The following PRUNE2 variants were observed in gnomAD, a reference collection of about 807,000 sequenced individuals.
PRUNE2 encodes the protein prune homolog 2 with BCH domain.
PRUNE2 carries 164 observed loss-of-function variants against 252.0 expected under a neutral mutation model. That is an observed-to-expected ratio of 0.65 (90% CI 0.57 to 0.74). PRUNE2 has a LOEUF of 0.74. Among genes scored for constraint, PRUNE2 ranks in the 30% least tolerant of loss-of-function variants. PRUNE2 has a pLI of 0.00. For synonymous variants in PRUNE2, 1,292 were observed against 1,350.2 expected (o/e 0.96, Z 0.94); for missense variants, 3,495 against 3,711.0 (o/e 0.94, Z 1.51).
At chr9:76,873,751 G>A (rs927037377) in intron 1 of PRUNE2, among the ~76,000 whole-genome samples, 1 of 152,158 alleles carries the variant, frequency 6.6e-6, no homozygotes, top group Non-Finnish European at 1.5e-5. Context: ...CGGGCTACCC[G>A]ATACACAATA....
At chr9:76,886,005 C>T (rs1397063685) in intron 1 of PRUNE2, among the ~76,000 whole-genome samples, 1 of 151,548 alleles carries the variant, frequency 6.6e-6, no homozygotes, top group Non-Finnish European at 1.5e-5. Flanking sequence ...TGGCGAAACC[C>T]CGTCTCTACT....
chr9:76,756,860 G>A (rs531785358), intron 6 of PRUNE2, among the ~76,000 whole-genome samples: 2 of 85,164 alleles, frequency 2.3e-5, no homozygotes, highest in Admixed American at 3.5e-4. Flanking sequence ...CTGCCCCCCC[G>A]TGATACTTAA....
chr9:76,823,861 A>AACAC (rs113326644), intron 5 of PRUNE2, 135 bp from the exon 6 acceptor site: 151 of 603,686 alleles, frequency 2.5e-4, no homozygotes, highest in Admixed American at 1.3e-3. Context: ...ATCCACAATA[A>AACAC]ACACACACAC....
At chr9:76,724,691 G>A (rs997421926) in intron 6 of PRUNE2, among the ~76,000 whole-genome samples, 18 of 152,180 alleles carry the variant, frequency 1.2e-4, no homozygotes, top group African/African-American at 3.9e-4. Flanking sequence ...ACTTGAATGG[G>A]GGAGTTTCAC....
At position 76,703,215 on chromosome 9, in the gene PRUNE2, T is replaced by A. The variant is rs1467905967; in HGVS notation, c.8276+122A>T. On this transcript the variant is annotated intron_variant, in intron 9 of 18. Coordinates refer to ENST00000376718, the MANE Select transcript of PRUNE2 (RefSeq NM_015225.3). The stretch of plus-strand genomic sequence containing the variant: ...GCTTTTACTGATGGTGTGCCTTGCA[T>A]TCAATATAAGCAAAGCTGCTATCAT... 6.3e-6 allele frequency: 5 copies of A among 791,694 alleles called. No individual in the cohort carries two copies. In the South Asian group the frequency reaches 1.1e-4, roughly 17 times the overall value. 49.0% of individuals were successfully genotyped at this position (791,694 alleles called of 1,614,324 possible).
At chr9:76,837,317 CTG>C in intron 4 of PRUNE2, among the ~76,000 whole-genome samples, 1 of 152,180 alleles carries the variant, frequency 6.6e-6, no homozygotes. Flanking sequence ...TGGCGGGCAC[CTG>C]CAGTCCCAAC....
intron 1 of PRUNE2, among the ~76,000 whole-genome samples, chr9:76,861,049 A>G (rs1280164007): frequency 6.6e-6 from 1 of 152,130 alleles, no homozygotes; most frequent in African/African-American, 2.4e-5. Flanking sequence ...TCACAACCCT[A>G]CAGGTCCCTA....
At position 76,893,862 on chromosome 9, in the gene PRUNE2, C is replaced by T. The variant is rs141090828; in HGVS notation, c.36+12066G>A. ...AGCCAAGAGTAATGACACTTCAGGC[C>T]ACGGTCCAGGGGTATCAGCCAAGTG... On this transcript the variant is annotated intron_variant, in intron 1 of 18. Coordinates refer to ENST00000376718, the MANE Select transcript of PRUNE2 (RefSeq NM_015225.3). Among the ~76,000 whole-genome samples the T allele has an allele frequency of 5.2e-3, 797 of 152,260 alleles. 4 individuals are homozygous for T. The highest frequency in any genetic ancestry group is 6.8e-3 in the Middle Eastern group (2 of 294).
chr9:76,726,105 G>A (rs2048081609), intron 6 of PRUNE2, among the ~76,000 whole-genome samples: 1 of 152,232 alleles, frequency 6.6e-6, no homozygotes. Flanking sequence ...GGGAACCACA[G>A]GTGGCTGCAG....
At chr9:76,631,345 C>T (rs191802525) in intron 15 of PRUNE2, among the ~76,000 whole-genome samples, 5 of 152,264 alleles carry the variant, frequency 3.3e-5, no homozygotes, top group East Asian at 3.9e-4. Context: ...TTGTATCTGG[C>T]GTTTTGTCTA....
At chr9:76,871,892 G>A (rs1462512499) in intron 1 of PRUNE2, among the ~76,000 whole-genome samples, 6 of 152,102 alleles carry the variant, frequency 3.9e-5, no homozygotes, top group Non-Finnish European at 7.3e-5. Flanking sequence ...GGCTCCCAAA[G>A]TGCTGGGATT....
chr9:76,824,539 G>A (rs933352585), intron 5 of PRUNE2, among the ~76,000 whole-genome samples: 2 of 152,178 alleles, frequency 1.3e-5, no homozygotes, highest in South Asian at 2.1e-4. Context: ...ATCCAGAATG[G>A]CTAAATTATC....
intron 6 of PRUNE2, among the ~76,000 whole-genome samples, chr9:76,800,387 T>G (rs1197870107): frequency 6.6e-6 from 1 of 152,198 alleles, no homozygotes; most frequent in Non-Finnish European, 1.5e-5. Context: ...AATTCATCCT[T>G]TTTTAATCAG....
At chr9:76,849,031 C>CTTTTT (rs2059813191) in intron 3 of PRUNE2, among the ~76,000 whole-genome samples, 2 of 152,170 alleles carry the variant, frequency 1.3e-5, no homozygotes, top group Admixed American at 1.3e-4. Flanking sequence ...ACCTCAGCCT[C>CTTTTT]CTGAGTAGCT....
At chr9:76,864,516 A>G (rs2060729507) in intron 1 of PRUNE2, among the ~76,000 whole-genome samples, 1 of 152,228 alleles carries the variant, frequency 6.6e-6, no homozygotes, top group Non-Finnish European at 1.5e-5. Flanking sequence ...CAAACAGTTC[A>G]TTATCAAATG....
chr9:76,780,930 G>A (rs1192834590), intron 6 of PRUNE2, among the ~76,000 whole-genome samples: 1 of 152,138 alleles, frequency 6.6e-6, no homozygotes, highest in Non-Finnish European at 1.5e-5. Flanking sequence ...TTTCCCATCT[G>A]AGAAAGTGGT....
chr9:76,895,518 CTTTT>C (rs1363944540), intron 1 of PRUNE2, among the ~76,000 whole-genome samples: 3 of 152,198 alleles, frequency 2.0e-5, no homozygotes, highest in African/African-American at 4.8e-5. Context: ...GCCACAACTT[CTTTT>C]CTATTTTTTT....
intron 3 of PRUNE2, 113 bp downstream of exon 3, chr9:76,850,350 C>CT: frequency 1.2e-6 from 1 of 813,000 alleles, no homozygotes; most frequent in South Asian, 1.6e-5. Context: ...ACCAGCATGT[C>CT]CTCTGCTTTT....
chr9:76,802,374 C>G (rs1294726737), intron 6 of PRUNE2, among the ~76,000 whole-genome samples: 1 of 152,060 alleles, frequency 6.6e-6, no homozygotes, highest in Non-Finnish European at 1.5e-5. Context: ...AAACGAGAAC[C>G]CTATGTTTAA....
Sources: gnomAD v4.1 joint callset for allele counts (sites outside exome capture counted in the v4.1 genomes callset) on GRCh38, gnomAD v4.1.1 for gene constraint, MANE v1.5 for transcripts, NCBI Gene and HGNC (gene_info 2026-07-23, HGNC 2026-07-21) for gene names.